TRAPPC9: variants seen among roughly 807,000 people sequenced by gnomAD.
TRAPPC9 encodes trafficking protein particle complex subunit 9.
A neutral mutation model predicts 124.0 loss-of-function variants in TRAPPC9; 83 were observed. That is an observed-to-expected ratio of 0.67 (90% CI 0.56 to 0.80). The LOEUF (loss-of-function observed/expected upper bound fraction) is 0.80. TRAPPC9 is among the 30% of genes least tolerant of loss of function. The probability of loss-of-function intolerance (pLI) is 0.00; values close to 1 mark genes in which losing one functional copy is unlikely to be tolerated. For missense variants in TRAPPC9, 1,302 were observed against 1,508.3 expected (o/e 0.86, Z 2.27); for synonymous variants, 638 against 617.5 (o/e 1.03, Z -0.49).
At chr8:140,059,634 C>A (rs1842480826) in intron 17 of TRAPPC9, among the ~76,000 whole-genome samples, 1 of 152,220 alleles carries the variant, frequency 6.6e-6, no homozygotes, top group Non-Finnish European at 1.5e-5. Flanking sequence ...GTAGGAGTGT[C>A]TAATCGTGGT....
intron 5 of TRAPPC9, among the ~76,000 whole-genome samples, chr8:140,412,277 G>A (rs1164844148): frequency 6.6e-6 from 1 of 152,134 alleles, no homozygotes; most frequent in African/African-American, 2.4e-5. Context: ...AACACAAAGT[G>A]AGAACATTCC....
At chr8:140,013,279 T>C (rs1336362338) in intron 18 of TRAPPC9, among the ~76,000 whole-genome samples, 4 of 152,134 alleles carry the variant, frequency 2.6e-5, no homozygotes, top group African/African-American at 7.2e-5. Flanking sequence ...AACCTGTCTG[T>C]ACTGGGGCTC....
intron 21 of TRAPPC9, among the ~76,000 whole-genome samples, chr8:139,771,686 C>G (rs544093569): frequency 1.3e-5 from 2 of 152,206 alleles, no homozygotes; most frequent in African/African-American, 4.8e-5. Flanking sequence ...GAGGACCACA[C>G]GGATATTTGT....
intron 20 of TRAPPC9, among the ~76,000 whole-genome samples, chr8:139,896,447 C>T (rs1830674860): frequency 1.3e-5 from 2 of 152,224 alleles, no homozygotes; most frequent in South Asian, 2.1e-4. Flanking sequence ...ATACTCACCA[C>T]TTTCAAGCTA....
rs1215072649 is a variant in TRAPPC9, at chr8:139,827,069, G to A, written c.3055+58810C>T. 2.0e-5 allele frequency among the ~76,000 whole-genome samples: 3 copies of A among 152,220 alleles called. No individual in the cohort carries two copies. In the East Asian group the frequency reaches 5.8e-4, roughly 29 times the overall value. On this transcript the variant is annotated intron_variant, in intron 21 of 22. Coordinates refer to ENST00000438773, the MANE Select transcript of TRAPPC9 (RefSeq NM_001160372.4). ...CTAACACAGAACATAGCCATCAGGT[G>A]GAAACCCTTGCAGGACACCTCTCAC...
At chr8:139,905,277 G>C (rs1358203408) in intron 20 of TRAPPC9, among the ~76,000 whole-genome samples, 1 of 152,196 alleles carries the variant, frequency 6.6e-6, no homozygotes, top group Non-Finnish European at 1.5e-5. Flanking sequence ...TTTAAAATCA[G>C]CAGGCTGATG....
At chr8:140,126,813 T>C (rs1399439289) in intron 17 of TRAPPC9, among the ~76,000 whole-genome samples, 1 of 152,044 alleles carries the variant, frequency 6.6e-6, no homozygotes, top group East Asian at 1.9e-4. Flanking sequence ...GCGTGGCAGG[T>C]GTGGGGGCAG....
At chr8:140,086,299 G>A (rs1032133675) in intron 17 of TRAPPC9, among the ~76,000 whole-genome samples, 2 of 152,202 alleles carry the variant, frequency 1.3e-5, no homozygotes, top group East Asian at 3.9e-4. Context: ...AGGGGAAGAC[G>A]ATGAAAGGAG....
chr8:139,842,719 C>T (rs947085472), intron 21 of TRAPPC9, among the ~76,000 whole-genome samples: 2 of 152,312 alleles, frequency 1.3e-5, no homozygotes, highest in South Asian at 2.1e-4. Context: ...ACCGCCCTGT[C>T]CTGCTGTTTG....
At chr8:140,062,998 G>A (rs985244207) in intron 17 of TRAPPC9, among the ~76,000 whole-genome samples, 3 of 152,192 alleles carry the variant, frequency 2.0e-5, no homozygotes, top group South Asian at 4.2e-4. Flanking sequence ...ACTTACAATC[G>A]TGGCAGAAGG....
At chr8:140,331,617 A>AATCATCATCATCATC (rs57241018) in intron 9 of TRAPPC9, among the ~76,000 whole-genome samples, 3,924 of 150,694 alleles carry the variant, frequency 0.026, 137 homozygotes, top group African/African-American at 0.074. Flanking sequence ...AACAGCAAAA[A>AATCATCATCATCATC]ATCATCATCA....
chr8:140,073,544 G>A (rs941768427), intron 17 of TRAPPC9, among the ~76,000 whole-genome samples: 1 of 152,202 alleles, frequency 6.6e-6, no homozygotes, highest in African/African-American at 2.4e-5. Context: ...AGCGTATGGG[G>A]ATTAACCTAG....
At chr8:140,325,835 T>C (rs749074359) in intron 9 of TRAPPC9, among the ~76,000 whole-genome samples, 14 of 151,286 alleles carry the variant, frequency 9.3e-5, no homozygotes, top group African/African-American at 3.2e-4. Context: ...TAGCATGGAG[T>C]CTTCAGCAGT....
chr8:140,202,157 T>A (rs549650410), intron 17 of TRAPPC9, among the ~76,000 whole-genome samples: 1 of 136,690 alleles, frequency 7.3e-6, no homozygotes, highest in African/African-American at 2.7e-5. Flanking sequence ...GCTCATCTTC[T>A]GTAATTAAAA....
intron 21 of TRAPPC9, among the ~76,000 whole-genome samples, chr8:139,847,438 G>GCA (rs1827155021): frequency 6.6e-6 from 1 of 152,186 alleles, no homozygotes; most frequent in Non-Finnish European, 1.5e-5. Context: ...TCACCCAAAT[G>GCA]CACACCACAC....
intron 14 of TRAPPC9, among the ~76,000 whole-genome samples, chr8:140,281,676 T>C (rs991876414): frequency 6.6e-6 from 1 of 152,218 alleles, no homozygotes; most frequent in African/African-American, 2.4e-5. Flanking sequence ...TCTGCCCAAT[T>C]CAAGGTCATG....
chr8:140,340,925 T>A (rs753943789), intron 9 of TRAPPC9, among the ~76,000 whole-genome samples: 1 of 152,168 alleles, frequency 6.6e-6, no homozygotes, highest in Non-Finnish European at 1.5e-5. Flanking sequence ...CAACAACAAT[T>A]ACTATATATT....
intron 21 of TRAPPC9, among the ~76,000 whole-genome samples, chr8:139,819,044 G>A (rs955048551): frequency 1.4e-4 from 22 of 152,150 alleles, no homozygotes; most frequent in Non-Finnish European, 2.5e-4. Flanking sequence ...GGTGAGCGGC[G>A]GGTGAAGCTT....
chr8:140,102,730 G>T (rs183656244), intron 17 of TRAPPC9, among the ~76,000 whole-genome samples: 375 of 152,328 alleles, frequency 2.5e-3, no homozygotes, highest in Admixed American at 5.4e-3. Context: ...CAGGAGGCCG[G>T]CCTGCAAAGG....
Sources: allele counts gnomAD v4.1 joint callset (sites outside exome capture counted in the v4.1 genomes callset), GRCh38; gene constraint gnomAD v4.1.1; transcripts MANE v1.5; gene names NCBI Gene and HGNC (gene_info 2026-07-23, HGNC 2026-07-21).